Variants in CDYL2 observed in about 807,000 individuals in gnomAD.
The protein encoded by CDYL2 is chromodomain Y like 2, also known as chromodomain Y-like protein 2.
CDYL2 carries 23 observed loss-of-function variants against 49.4 expected under a neutral mutation model. That is an observed-to-expected ratio of 0.47 (90% CI 0.34 to 0.66). The LOEUF (loss-of-function observed/expected upper bound fraction) is 0.66. Ranked by LOEUF, CDYL2 falls within the 30% of genes least tolerant of loss-of-function variation. The probability of loss-of-function intolerance (pLI) is 0.01; values close to 1 mark genes in which losing one functional copy is unlikely to be tolerated. For missense variants in CDYL2, 678 were observed against 656.4 expected (o/e 1.03, Z -0.36); for synonymous variants, 360 against 268.8 (o/e 1.34, Z -3.32).
chr16:80,672,352 C>CACACACACACACAGAGAG lies in CDYL2; in HGVS notation c.616+12185_616+12186insCTCTCTGTGTGTGTGTGT, dbSNP rs68130206. Among the ~76,000 whole-genome samples the CACACACACACACAGAGAG allele has an allele frequency of 6.4e-4, 75 of 117,840 alleles. No homozygotes were observed. In the South Asian group the frequency reaches 9.4e-3, roughly 15 times the overall value. 77.3% of individuals were successfully genotyped at this position (117,840 alleles called of 152,430 possible). On this transcript the variant is annotated intron_variant, in intron 2 of 6. Transcript: ENST00000570137. ...ACACACACACACACACACACACACA[C>CACACACACACACAGAGAG]AGAGAGAGAGAGAGAGATGAGTAGA...
chr16:80,655,258 G>A (rs1908755367), intron 2 of CDYL2, among the ~76,000 whole-genome samples: 1 of 152,222 alleles, frequency 6.6e-6, no homozygotes, highest in Admixed American at 6.5e-5. Flanking sequence ...GTAAATGGAA[G>A]AGCCAGGATT....
At position 80,604,316 on chromosome 16, in the gene CDYL2, G is replaced by T; in HGVS notation, c.*72C>A. ...ACACCTTGACAAACTCCTTGGCCGG[G>T]GCAGACACTGTGCTCTGGTTTCCGA... On this transcript the variant is annotated 3_prime_UTR_variant, in exon 7 of 7. Coordinates refer to ENST00000570137, the MANE Select transcript of CDYL2 (RefSeq NM_152342.4). The T allele has an allele frequency of 1.9e-6, 3 of 1,546,574 alleles. No homozygotes were observed. The highest frequency in any genetic ancestry group is 2.2e-5 in the South Asian group (2 of 89,258).
chr16:80,629,958 ACTGTAAAATTT>A lies in CDYL2; in HGVS notation c.834+3050_834+3060del, dbSNP rs1327358147. On this transcript the variant is annotated intron_variant, in intron 3 of 6. Coordinates refer to ENST00000570137, the MANE Select transcript of CDYL2 (RefSeq NM_152342.4). ...TTATCTCTAATCTTGCCAGCAAAAT[ACTGTAAAATTT>A]CTATAAAGGAGGAAGCTCAGAGCAG... 6.6e-5 allele frequency among the ~76,000 whole-genome samples: 10 copies of A among 152,294 alleles called. No homozygotes were observed. The East Asian group carries it at 1.9e-3, about 29-fold the overall frequency.
intron 3 of CDYL2, among the ~76,000 whole-genome samples, chr16:80,629,150 G>A (rs998960897): frequency 6.6e-6 from 1 of 152,160 alleles, no homozygotes; most frequent in African/African-American, 2.4e-5. Context: ...AGGAGCCATC[G>A]ACACATTTGG....
At chr16:80,745,888 T>G (rs8059041) in intron 1 of CDYL2, among the ~76,000 whole-genome samples, 4,229 of 152,180 alleles carry the variant, frequency 0.028, 200 homozygotes, top group African/African-American at 0.098. Flanking sequence ...GGGGTACCAG[T>G]GACACCACTG....
At chr16:80,629,681 G>C (rs1907465524) in intron 3 of CDYL2, among the ~76,000 whole-genome samples, 1 of 152,212 alleles carries the variant, frequency 6.6e-6, no homozygotes, top group African/African-American at 2.4e-5. Flanking sequence ...ACTAGCTTCA[G>C]AATCTACTTA....
chr16:80,770,131 A>T (rs1906858289), intron 1 of CDYL2, among the ~76,000 whole-genome samples: 1 of 152,220 alleles, frequency 6.6e-6, no homozygotes, highest in Non-Finnish European at 1.5e-5. Flanking sequence ...TGATAGGCAA[A>T]ATGACAGAAA....
At chr16:80,712,964 G>C (rs1425114748) in intron 1 of CDYL2, among the ~76,000 whole-genome samples, 1 of 152,144 alleles carries the variant, frequency 6.6e-6, no homozygotes, top group Admixed American at 6.5e-5. Context: ...GAGGAAGGAG[G>C]AGAGGCACAC....
rs76110885 is a variant in CDYL2, at chr16:80,740,566, C to A, written c.25-55437G>T. Among the ~76,000 whole-genome samples the A allele has an allele frequency of 8.3e-4, 127 of 152,172 alleles. No homozygotes were observed. In the East Asian group the frequency reaches 0.018, roughly 21 times the overall value. On this transcript the variant is annotated intron_variant, in intron 1 of 6. Transcript: ENST00000570137. Reference sequence around the variant, plus strand: ...AAATAAAAATGAGAAGTGATCTATACAAAAGAATCTCTAAAATATTATTTG... The same window carrying A: ...AAATAAAAATGAGAAGTGATCTATAAAAAAGAATCTCTAAAATATTATTTG...
chr16:80,800,257 T>C (rs1283226984), intron 1 of CDYL2, among the ~76,000 whole-genome samples: 1 of 152,150 alleles, frequency 6.6e-6, no homozygotes, highest in South Asian at 2.1e-4. Context: ...TTTCTCCTTA[T>C]ACAGATAAAC....
intron 1 of CDYL2, among the ~76,000 whole-genome samples, chr16:80,720,849 C>T (rs1904974466): frequency 6.6e-6 from 1 of 152,196 alleles, no homozygotes; most frequent in African/African-American, 2.4e-5. Context: ...TGAGAGCCGT[C>T]CGCTTCAGAA....
chr16:80,781,882 T>G (rs1907280466), intron 1 of CDYL2, among the ~76,000 whole-genome samples: 1 of 152,014 alleles, frequency 6.6e-6, no homozygotes, highest in Non-Finnish European at 1.5e-5. Flanking sequence ...ACTGCAATAT[T>G]TATGAAATGC....
intron 2 of CDYL2, among the ~76,000 whole-genome samples, chr16:80,641,247 A>G (rs1567552252): frequency 6.6e-6 from 1 of 152,224 alleles, no homozygotes; most frequent in African/African-American, 2.4e-5. Flanking sequence ...AGGAGCTTTA[A>G]TACATATGGC....
chr16:80,621,620 G>A (rs1010133531), intron 3 of CDYL2, among the ~76,000 whole-genome samples: 2 of 152,252 alleles, frequency 1.3e-5, no homozygotes, highest in African/African-American at 4.8e-5. Context: ...GAAAGGTTAT[G>A]CTATGGCCAC....
At chr16:80,616,530 C>G (rs964054866) in intron 4 of CDYL2, among the ~76,000 whole-genome samples, 1 of 152,174 alleles carries the variant, frequency 6.6e-6, no homozygotes, top group Non-Finnish European at 1.5e-5. Context: ...AGTTACCCAA[C>G]TCCCTTTAAC....
intron 1 of CDYL2, among the ~76,000 whole-genome samples, chr16:80,725,011 G>A (rs560672645): frequency 2.6e-5 from 4 of 152,240 alleles, no homozygotes; most frequent in South Asian, 2.1e-4. Flanking sequence ...GTTAAGCATG[G>A]TCTAGATGCC....
chr16:80,682,528 G>A (rs1377465497), intron 2 of CDYL2, among the ~76,000 whole-genome samples: 1 of 152,190 alleles, frequency 6.6e-6, no homozygotes, highest in African/African-American at 2.4e-5. Flanking sequence ...ACACCCTCAT[G>A]TAGACCCCTC....
At chr16:80,688,214 G>C (rs1015292870) in intron 1 of CDYL2, among the ~76,000 whole-genome samples, 7 of 152,110 alleles carry the variant, frequency 4.6e-5, no homozygotes, top group African/African-American at 1.7e-4. Flanking sequence ...TTCTACCTCT[G>C]GTCCCATTCA....
intron 1 of CDYL2, among the ~76,000 whole-genome samples, chr16:80,724,943 C>G (rs1323318374): frequency 1.3e-5 from 2 of 152,170 alleles, no homozygotes; most frequent in Non-Finnish European, 2.9e-5. Flanking sequence ...TCCTCAAACC[C>G]TTTGGTGGTT....
Sources: gnomAD v4.1 joint callset for allele counts (sites outside exome capture counted in the v4.1 genomes callset) on GRCh38, gnomAD v4.1.1 for gene constraint, MANE v1.5 for transcripts, NCBI Gene and HGNC (gene_info 2026-07-23, HGNC 2026-07-21) for gene names.